NAALADL2: variants seen among roughly 807,000 people sequenced by gnomAD.
NAALADL2 encodes the protein inactive N-acetylated-alpha-linked acidic dipeptidase-like protein 2.
Under a neutral mutation model 87.2 loss-of-function variants are expected in NAALADL2, and 76 were observed. The ratio of observed to expected loss-of-function variants is 0.87; its 90% CI spans 0.72 to 1.05. The LOEUF is 1.05. Ranked by LOEUF, NAALADL2 falls within the 50% of genes least tolerant of loss-of-function variation. The pLI, the probability that NAALADL2 is intolerant of heterozygous loss-of-function variation, is 0.00. For missense variants in NAALADL2, 1,089 were observed against 945.8 expected, an observed-to-expected ratio of 1.15 and a Z score of -1.99; for synonymous variants, 354 against 331.0, an observed-to-expected ratio of 1.07 and a Z score of -0.75.
intron 2 of NAALADL2, among the ~76,000 whole-genome samples, chr3:175,148,487 T>C (rs932990258): frequency 1.3e-5 from 2 of 152,160 alleles, no homozygotes; most frequent in East Asian, 3.9e-4. Flanking sequence ...GCAGTTACTT[T>C]GGAGGACTTG....
chr3:174,809,747 A>G (rs879845202), intron 3 of NAALADL2, among the ~76,000 whole-genome samples: 8 of 152,188 alleles, frequency 5.3e-5, no homozygotes, highest in Admixed American at 6.5e-5. Flanking sequence ...TACTAACTAT[A>G]AAATTGTGAT....
intron 3 of NAALADL2, among the ~76,000 whole-genome samples, chr3:174,848,559 A>G (rs1724894376): frequency 6.6e-6 from 1 of 152,172 alleles, no homozygotes; most frequent in Non-Finnish European, 1.5e-5. Context: ...CTCAAAATGC[A>G]TATAGAGGAC....
chr3:174,995,776 C>T (rs999392761), intron 1 of NAALADL2, among the ~76,000 whole-genome samples: 5 of 147,080 alleles, frequency 3.4e-5, no homozygotes, highest in South Asian at 2.1e-4. Flanking sequence ...ATTGCTTTTA[C>T]GCTATTACTG....
rs112062960 is a variant in NAALADL2, at chr3:174,556,744, A to AT, written c.-115+6118dup. 1.6e-3 allele frequency among the ~76,000 whole-genome samples: 244 copies of AT among 148,342 alleles called. 1 individual carries two copies. Among genetic ancestry groups the AT allele is most frequent in the African/African-American group, 4.0e-3 (164 of 40,714 alleles). ...ATAATTTTAGTAGATTTTAAAATAC[A>AT]TTTTTTTTTTTCTAGAAACAGAGTC... On this transcript the variant is annotated intron_variant, in intron 2 of 3. Transcript: ENST00000434257.
chr3:175,479,341 G>T (rs62285250), intron 9 of NAALADL2, among the ~76,000 whole-genome samples: 12,157 of 151,728 alleles, frequency 0.08, 574 homozygotes, highest in South Asian at 0.12. Context: ...ACATTTCCCA[G>T]TGCGCATTAT....
chr3:174,804,932 G>A (rs917402017), intron 3 of NAALADL2, among the ~76,000 whole-genome samples: 4 of 152,052 alleles, frequency 2.6e-5, no homozygotes, highest in African/African-American at 9.7e-5. Flanking sequence ...AATAAGAGAG[G>A]TTCAAATTCT....
chr3:174,929,620 G>T (rs1736587788), intron 1 of NAALADL2, among the ~76,000 whole-genome samples: 2 of 152,112 alleles, frequency 1.3e-5, no homozygotes, highest in East Asian at 3.9e-4. Context: ...CTGTTTGATT[G>T]AGAAAATAAT....
rs1001360657 is a variant in NAALADL2, at chr3:175,391,822, A to G, written c.1091-55407A>G. Among the ~76,000 whole-genome samples the G allele has an allele frequency of 5.3e-5, 8 of 152,114 alleles. No individual in the cohort carries two copies. The East Asian group carries it at 1.2e-3, about 22-fold the overall frequency. ...ATTCCCCAAATAACTGCATAATCCC[A>G]TGCTTTACTGTGGATTACCTGGATT... On this transcript the variant is annotated intron_variant, in intron 5 of 13. Transcript: ENST00000454872.
intron 1 of NAALADL2, among the ~76,000 whole-genome samples, chr3:174,967,498 T>C (rs1263046086): frequency 1.3e-5 from 2 of 152,166 alleles, no homozygotes; most frequent in African/African-American, 2.4e-5. Context: ...TCTACCTCCA[T>C]AATTTGGGCT....
At chr3:175,448,667 T>G (rs1308188041) in intron 6 of NAALADL2, among the ~76,000 whole-genome samples, 1 of 152,130 alleles carries the variant, frequency 6.6e-6, no homozygotes, top group Non-Finnish European at 1.5e-5. Context: ...CAAAGTATGA[T>G]ATGTGTATCA....
chr3:175,218,307 G>A (rs1580977695), intron 2 of NAALADL2, among the ~76,000 whole-genome samples: 1 of 152,050 alleles, frequency 6.6e-6, no homozygotes. Context: ...TGTCTAAAAT[G>A]CTTCACAATA....
chr3:175,792,031 T>A (rs80018027), intron 13 of NAALADL2, among the ~76,000 whole-genome samples: 19 of 152,046 alleles, frequency 1.2e-4, no homozygotes, highest in Admixed American at 4.6e-4. Context: ...TAAAAAAAAA[T>A]AAATGGTACT....
chr3:175,008,670 T>C (rs1749370399), intron 1 of NAALADL2, among the ~76,000 whole-genome samples: 1 of 152,082 alleles, frequency 6.6e-6, no homozygotes, highest in Admixed American at 6.5e-5. Context: ...GTGTTCAATT[T>C]TGAGGAACTT....
At chr3:174,801,733 G>A (rs1012931100) in intron 3 of NAALADL2, among the ~76,000 whole-genome samples, 2 of 151,840 alleles carry the variant, frequency 1.3e-5, no homozygotes, top group Non-Finnish European at 2.9e-5. Context: ...TGCATTTTCT[G>A]TGTCTATTAA....
At chr3:175,043,770 A>G (rs1024565106) in intron 1 of NAALADL2, among the ~76,000 whole-genome samples, 2 of 152,102 alleles carry the variant, frequency 1.3e-5, no homozygotes, top group Admixed American at 6.6e-5. Flanking sequence ...TACTGTTTCA[A>G]TTACTAGAGC....
intron 1 of NAALADL2, among the ~76,000 whole-genome samples, chr3:174,984,361 C>CA (rs1189178920): frequency 6.6e-6 from 1 of 151,962 alleles, no homozygotes; most frequent in African/African-American, 2.4e-5. Context: ...CCAGTTGCAC[C>CA]AAAACTGGGT....
intron 9 of NAALADL2, among the ~76,000 whole-genome samples, chr3:175,531,831 T>C (rs552451291): frequency 6.0e-4 from 91 of 152,320 alleles, no homozygotes; most frequent in Non-Finnish European, 1.1e-3. Context: ...TTCTCCAAGA[T>C]CCATCTGTCT....
intron 9 of NAALADL2, among the ~76,000 whole-genome samples, chr3:175,565,907 G>A (rs774554874): frequency 2.0e-4 from 26 of 130,848 alleles, no homozygotes; most frequent in Non-Finnish European, 2.8e-4. Context: ...TTGGCTCACC[G>A]CAACCTTCGC....
intron 2 of NAALADL2, among the ~76,000 whole-genome samples, chr3:175,224,195 G>T (rs1743823318): frequency 6.6e-6 from 1 of 152,086 alleles, no homozygotes; most frequent in Non-Finnish European, 1.5e-5. Context: ...AGTAGTCTGG[G>T]CGGTTTGGCT....
Sources: allele counts gnomAD v4.1 joint callset (sites outside exome capture counted in the v4.1 genomes callset), GRCh38; gene constraint gnomAD v4.1.1; transcripts MANE v1.5; gene names NCBI Gene and HGNC (gene_info 2026-07-23, HGNC 2026-07-21).